TGM2: variants seen among roughly 807,000 people sequenced by gnomAD.
TGM2 encodes protein-glutamine gamma-glutamyltransferase 2.
A neutral mutation model predicts 75.6 loss-of-function variants in TGM2; 53 were observed. That is an observed-to-expected ratio of 0.70 (90% CI 0.56 to 0.88). TGM2 has a LOEUF of 0.88. TGM2 is among the 40% of genes least tolerant of loss of function. The pLI is 0.00. For synonymous variants in TGM2, 374 were observed against 381.1 expected, an observed-to-expected ratio of 0.98 and a Z score of 0.22; for missense variants, 842 against 928.5, an observed-to-expected ratio of 0.91 and a Z score of 1.21.
At chr20:38,154,044 C>T (rs1206113297) in intron 3 of TGM2, among the ~76,000 whole-genome samples, 1 of 152,158 alleles carries the variant, frequency 6.6e-6, no homozygotes, top group East Asian at 1.9e-4. Context: ...GTCTTGAACT[C>T]CTGCCTCAAG....
Position 38,148,027 on chromosome 20 carries a change from C to G in TGM2, c.615G>C (p.Lys205Asn). 1 of 1,613,972 alleles carries G rather than the reference C, an allele frequency of 6.2e-7. No individual in the cohort carries two copies. The highest frequency in any genetic ancestry group is 8.5e-7 in the Non-Finnish European group (1 of 1,180,014). The change falls in exon 5 of 13, where the codon AAG becomes AAC. Residue 205 changes from lysine (K) to asparagine (N), a missense_variant. Physicochemically the swap from Lys to Asn is moderately conservative, Grantham distance 94. Transcript: ENST00000361475. ...GGCGGGAGCAGTCACGGCCGGCGTT[C>G]TTCAGGAACTTGGGGTTGACATCTA... ...ILLDVNPKFL[K>N]NAGRDCSRRS...
chr20:38,134,440 G>A (rs796517554), intron 10 of TGM2, among the ~76,000 whole-genome samples: 4 of 152,342 alleles, frequency 2.6e-5, no homozygotes, highest in African/African-American at 7.2e-5. Flanking sequence ...TCCTCCGGGG[G>A]CTTGGAGGAT....
At chr20:38,155,138 C>A (rs192791856) in intron 3 of TGM2, among the ~76,000 whole-genome samples, 13 of 149,842 alleles carry the variant, frequency 8.7e-5, no homozygotes, top group African/African-American at 3.2e-4. Flanking sequence ...AAAAAACACA[C>A]AAAAAACAGG....
chr20:38,137,256 A>T (rs1291411023), intron 10 of TGM2, among the ~76,000 whole-genome samples: 1 of 152,144 alleles, frequency 6.6e-6, no homozygotes, highest in Non-Finnish European at 1.5e-5. Context: ...AGGCCGAGGC[A>T]GGTAGATCAC....
chr20:38,165,405 C>T (rs1046973047), upstream of TGM2: 2 of 687,410 alleles, frequency 2.9e-6, no homozygotes, highest in African/African-American at 3.8e-5. Context: ...TGGGGCTCAC[C>T]CAGGGGACCG....
chr20:38,139,413 C>A lies in TGM2; in HGVS notation c.1341G>T (p.Glu447Asp). The A allele has an allele frequency of 6.2e-7, 1 of 1,614,138 alleles. No individual in the cohort carries two copies. The highest frequency in any genetic ancestry group is 1.1e-5 in the South Asian group (1 of 91,044). Residue 447 changes from glutamate to aspartate, a missense_variant and splice_region_variant, in exon 9 of 13, where the codon GAG becomes GAT. Coordinates refer to ENST00000361475, the MANE Select transcript of TGM2 (RefSeq NM_004613.4). ...ATTAAAGACTCTGAGGGCACATACC[C>A]TCTGGGTATTTGTAGGTGTGGGTGA... ...EDITHTYKYP[E>D]GSSEEREAFT...
intron 3 of TGM2, among the ~76,000 whole-genome samples, chr20:38,153,325 G>A (rs1043065607): frequency 6.6e-6 from 1 of 152,048 alleles, no homozygotes; most frequent in Non-Finnish European, 1.5e-5. Flanking sequence ...AGGAGTTTGA[G>A]ACCAGCCTGG....
intron 1 of TGM2, 112 bp downstream of exon 1, chr20:38,165,077 C>T (rs1237411675): frequency 5.9e-6 from 9 of 1,522,692 alleles, no homozygotes; most frequent in African/African-American, 1.4e-5. Flanking sequence ...TCACCCAGCC[C>T]GGTCTGCCTG....
chr20:38,147,991 G>C lies in TGM2; in HGVS notation c.651C>G (p.Pro217=), dbSNP rs45461691. ...AGRDCSRRSS[P]VYVGRVVSGM... ...CACTCACCACCCGGCCCACGTAGAC[G>C]GGGCTGCTGCGGCGGGAGCAGTCAC... The change falls in exon 5 of 13, where the codon CCC becomes CCG. Residue 217 remains proline (P), a synonymous_variant. Coordinates refer to ENST00000361475, the MANE Select transcript of TGM2 (RefSeq NM_004613.4). The C allele has an allele frequency of 2.2e-3, 3,498 of 1,613,194 alleles. 58 individuals carry two copies. The African/African-American group carries it at 0.038, about 18-fold the overall frequency.
intron 10 of TGM2, among the ~76,000 whole-genome samples, chr20:38,135,097 G>A (rs1215480857): frequency 1.3e-5 from 2 of 152,250 alleles, no homozygotes; most frequent in African/African-American, 4.8e-5. Flanking sequence ...AGAAAAGTCA[G>A]CATGCTTGGC....
At chr20:38,139,995 A>T (rs2074951192) in intron 8 of TGM2, among the ~76,000 whole-genome samples, 1 of 152,238 alleles carries the variant, frequency 6.6e-6, no homozygotes, top group East Asian at 1.9e-4. Context: ...CCTATACTAA[A>T]TGCTATGCAA....
intron 2 of TGM2, among the ~76,000 whole-genome samples, chr20:38,156,584 C>T (rs1166020899): frequency 6.6e-6 from 1 of 152,246 alleles, no homozygotes. Context: ...AGGAAGGGAC[C>T]TCGGTCCTCT....
intron 11 of TGM2, 45 bp downstream of exon 11, chr20:38,132,295 G>A (rs747121617): frequency 6.3e-5 from 102 of 1,611,816 alleles, no homozygotes; most frequent in Non-Finnish European, 7.6e-5. Context: ...TCTCCCCAGC[G>A]CTGAGCTGCC....
At chr20:38,152,085 A>G (rs1243313619) in intron 3 of TGM2, among the ~76,000 whole-genome samples, 1 of 152,248 alleles carries the variant, frequency 6.6e-6, no homozygotes, top group Non-Finnish European at 1.5e-5. Context: ...GCCTTGGTTA[A>G]TTACAGCTAT....
chr20:38,152,597 G>C (rs905284487), intron 3 of TGM2, among the ~76,000 whole-genome samples: 1 of 152,198 alleles, frequency 6.6e-6, no homozygotes, highest in Non-Finnish European at 1.5e-5. Flanking sequence ...TAAAGGTGGG[G>C]GCACTGGGGA....
upstream of TGM2, among the ~76,000 whole-genome samples, chr20:38,167,830 G>A (rs140948265): frequency 3.3e-5 from 5 of 152,268 alleles, no homozygotes; most frequent in African/African-American, 7.2e-5. Flanking sequence ...GGTATGTCAC[G>A]CAGCTCTGGG....
At chr20:38,153,281 T>C (rs1233192059) in intron 3 of TGM2, among the ~76,000 whole-genome samples, 1 of 151,934 alleles carries the variant, frequency 6.6e-6, no homozygotes, top group Non-Finnish European at 1.5e-5. Flanking sequence ...TCCTAGCACT[T>C]TGGGAGGCCG....
chr20:38,149,881 T>G (rs997730588), intron 4 of TGM2, among the ~76,000 whole-genome samples: 2 of 152,084 alleles, frequency 1.3e-5, no homozygotes, highest in Non-Finnish European at 2.9e-5. Flanking sequence ...AGTTTTGCAA[T>G]TATCATCATG....
chr20:38,168,211 G>A (rs557916580), upstream of TGM2, among the ~76,000 whole-genome samples: 15 of 152,332 alleles, frequency 9.8e-5, no homozygotes, highest in African/African-American at 3.1e-4. Context: ...GTGGCCAGCC[G>A]GGGTCAGGAC....
Sources: gnomAD v4.1 joint callset for allele counts (sites outside exome capture counted in the v4.1 genomes callset) on GRCh38, gnomAD v4.1.1 for gene constraint, MANE v1.5 for transcripts, NCBI Gene and HGNC (gene_info 2026-07-23, HGNC 2026-07-21) for gene names.